The following ITGA11 variants were observed in gnomAD, a reference collection of about 807,000 sequenced individuals.
The protein encoded by ITGA11 is integrin subunit alpha 11.
ITGA11 carries 97 observed loss-of-function variants against 141.9 expected under a neutral mutation model. The ratio of observed to expected loss-of-function variants is 0.68; its 90% CI spans 0.58 to 0.81. The LOEUF (loss-of-function observed/expected upper bound fraction) is 0.81. Among genes scored for constraint, ITGA11 ranks in the 30% least tolerant of loss-of-function variants. The pLI is 0.00. For synonymous variants in ITGA11, 658 were observed against 624.6 expected, an observed-to-expected ratio of 1.05 and a Z score of -0.80; for missense variants, 1,387 against 1,559.2, an observed-to-expected ratio of 0.89 and a Z score of 1.86.
At chr15:68,364,950 C>T (rs1301289569) in intron 3 of ITGA11, among the ~76,000 whole-genome samples, 152 bp from the exon 4 acceptor site, 3 of 152,152 alleles carry the variant, frequency 2.0e-5, no homozygotes, top group African/African-American at 7.2e-5. Flanking sequence ...CTTCCCCAGA[C>T]GTACTCTCAG....
At chr15:68,342,527 A>G (rs575736095) in intron 10 of ITGA11, among the ~76,000 whole-genome samples, 3 of 152,126 alleles carry the variant, frequency 2.0e-5, no homozygotes, top group Non-Finnish European at 2.9e-5. Context: ...GACCCTGCCA[A>G]CTCAGCTCTC....
At position 68,307,541 on chromosome 15, in the gene ITGA11, C is replaced by T; in HGVS notation, c.3285+45G>A. On this transcript the variant is annotated intron_variant, in intron 27 of 29. Coordinates refer to ENST00000315757, the MANE Select transcript of ITGA11 (RefSeq NM_001004439.2). The surrounding 1 kb of genome is among the most constrained non-coding windows in gnomAD (Gnocchi z 6.1). ...GGTGGAAGACATCCCAACAGCCGCC[C>T]CCTTTCCCTTCTTCCTTCCAGCCCA... 1.3e-6 allele frequency: 2 copies of T among 1,539,524 alleles called. No homozygotes were observed. The highest frequency in any genetic ancestry group is 1.8e-6 in the Non-Finnish European group (2 of 1,124,200).
chr15:68,359,313 C>T (rs1164256028), intron 5 of ITGA11, among the ~76,000 whole-genome samples: 1 of 152,110 alleles, frequency 6.6e-6, no homozygotes, highest in Non-Finnish European at 1.5e-5. Context: ...ATTATCTCTG[C>T]CTCTGAATAT....
At chr15:68,329,562 C>A (rs937779058) in intron 15 of ITGA11, among the ~76,000 whole-genome samples, 1 of 152,158 alleles carries the variant, frequency 6.6e-6, no homozygotes, top group Admixed American at 6.5e-5. Flanking sequence ...TCTGTGAGAC[C>A]GATTCTCTTG....
chr15:68,326,825 A>G lies in ITGA11; in HGVS notation c.2069-29T>C, dbSNP rs1258020157. 2 of 1,562,088 alleles carry G rather than the reference A, an allele frequency of 1.3e-6. No individual in the cohort carries two copies. Among genetic ancestry groups the G allele is most frequent in the East Asian group, 2.4e-5 (1 of 42,094 alleles). On this transcript the variant is annotated intron_variant, in intron 16 of 29. Coordinates refer to ENST00000315757, the MANE Select transcript of ITGA11 (RefSeq NM_001004439.2). The surrounding 1 kb of genome is among the most constrained non-coding windows in gnomAD (Gnocchi z 6.8). ...CAGGAGGGGAGAGGGCAAGACCACA[A>G]AGGTGGAGCCACATGCCCATCCAAG... is the stretch of plus-strand genomic sequence containing the variant.
intron 28 of ITGA11, among the ~76,000 whole-genome samples, chr15:68,306,037 A>AG (rs1396060243): frequency 6.6e-6 from 1 of 151,566 alleles, no homozygotes; most frequent in African/African-American, 2.4e-5. Flanking sequence ...AAAAAAAAAA[A>AG]AAATTAGCCA....
At chr15:68,431,612 T>G (rs1305980994) in intron 1 of ITGA11, among the ~76,000 whole-genome samples, 1 of 152,156 alleles carries the variant, frequency 6.6e-6, no homozygotes, top group Non-Finnish European at 1.5e-5. Flanking sequence ...CACACTCTCT[T>G]GGCGCTGATT....
At position 68,332,191 on chromosome 15, in the gene ITGA11, T is replaced by G. The variant is rs1433176371; in HGVS notation, c.1567-129A>C. 5 of 1,253,096 alleles carry G rather than the reference T, an allele frequency of 4.0e-6. No individual in the cohort carries two copies. The East Asian group carries it at 7.6e-5, about 19-fold the overall frequency. The allele number at this position is 1,253,096 out of a possible 1,614,324, so 77.6% of individuals were successfully genotyped here. On this transcript the variant is annotated intron_variant, in intron 13 of 29. Transcript: ENST00000315757. ...CCCCAGAACCCCGTCTCTGGCTATA[T>G]GAACCCAGCCACAGAGGAGGCTCTG... is the stretch of plus-strand genomic sequence containing the variant.
At position 68,321,547 on chromosome 15, in the gene ITGA11, G is replaced by A. The variant is rs554507338; in HGVS notation, c.2323-44C>T. On this transcript the variant is annotated intron_variant, in intron 18 of 29. Coordinates refer to ENST00000315757, the MANE Select transcript of ITGA11 (RefSeq NM_001004439.2). The surrounding 1 kb of genome is among the most constrained non-coding windows in gnomAD (Gnocchi z 4.9). ...GGTGTGGGCAGCTGGGTAGGGACCCGCAGCCCCTCGCCCTCAATGTACACC... is the reference window on the plus strand; with the variant it reads ...GGTGTGGGCAGCTGGGTAGGGACCCACAGCCCCTCGCCCTCAATGTACACC... 1.6e-4 allele frequency: 216 copies of A among 1,325,488 alleles called. No homozygotes were observed. The highest frequency in any genetic ancestry group is 1.0e-3 in the East Asian group (41 of 40,232). The allele number at this position is 1,325,488 out of a possible 1,614,324, so 82.1% of individuals were successfully genotyped here.
intron 6 of ITGA11, among the ~76,000 whole-genome samples, chr15:68,357,977 T>G (rs1895122231): frequency 6.6e-6 from 1 of 152,230 alleles, no homozygotes; most frequent in South Asian, 2.1e-4. Context: ...ACTTGAAATC[T>G]GCCATCTAAT....
At chr15:68,420,373 G>A (rs1896987346) in intron 1 of ITGA11, among the ~76,000 whole-genome samples, 1 of 152,170 alleles carries the variant, frequency 6.6e-6, no homozygotes, top group South Asian at 2.1e-4. Context: ...GGGGCCAGCT[G>A]GGCTGACCTG....
chr15:68,395,932 T>C (rs1210435309), intron 2 of ITGA11, among the ~76,000 whole-genome samples: 1 of 151,502 alleles, frequency 6.6e-6, no homozygotes, highest in Non-Finnish European at 1.5e-5. Context: ...GAAACAACCC[T>C]AGATGCTGTA....
chr15:68,353,482 C>CA (rs943986494), intron 7 of ITGA11, among the ~76,000 whole-genome samples: 2 of 151,906 alleles, frequency 1.3e-5, no homozygotes, highest in African/African-American at 4.8e-5. Context: ...AAACACCCTG[C>CA]AAAAAAGCAT....
chr15:68,369,320 G>A (rs1211412486), intron 2 of ITGA11, 36 bp from the exon 3 acceptor site: 8 of 1,413,598 alleles, frequency 5.7e-6, no homozygotes, highest in South Asian at 2.3e-5. Flanking sequence ...AGACATTGGG[G>A]GAGGTACTCT....
chr15:68,371,218 G>A (rs1895579316), intron 2 of ITGA11, among the ~76,000 whole-genome samples: 1 of 152,154 alleles, frequency 6.6e-6, no homozygotes, highest in South Asian at 2.1e-4. Context: ...GAGAGAAAGT[G>A]AGAGAAAGAA....
intron 25 of ITGA11, 73 bp from the exon 26 acceptor site, chr15:68,311,153 A>G (rs1595851285): frequency 7.3e-7 from 1 of 1,378,828 alleles, no homozygotes. Context: ...AGGATCCCAG[A>G]GAGGTTTCTT....
Position 68,307,212 on chromosome 15 carries a change from C to A in ITGA11, c.3381+136G>T. 1.5e-6 allele frequency: 1 copy of A among 652,082 alleles called. No individual in the cohort carries two copies. The highest frequency in any genetic ancestry group is 1.9e-5 in the South Asian group (1 of 52,382). 40.4% of individuals were successfully genotyped at this position (652,082 alleles called of 1,614,324 possible). On this transcript the variant is annotated intron_variant, in intron 28 of 29. Transcript: ENST00000315757. This position sits in a 1 kb window ranked among gnomAD's most constrained non-coding sequence, Gnocchi z 6.1. Reference sequence around the variant, plus strand: ...CTCTTTTCAGCGGCTGCCCTAACAGCCCACAGGTCTGCCTGATTCTCTCCT... The same window carrying A: ...CTCTTTTCAGCGGCTGCCCTAACAGACCACAGGTCTGCCTGATTCTCTCCT...
At position 68,326,366 on chromosome 15, in the gene ITGA11, G is replaced by T. The variant is rs1038322428; in HGVS notation, c.2211+288C>A. 6.6e-6 allele frequency among the ~76,000 whole-genome samples: 1 copy of T among 152,140 alleles called. No individual in the cohort carries two copies. The highest frequency in any genetic ancestry group is 1.5e-5 in the Non-Finnish European group (1 of 68,026). ...TTTGGGGCTGTGCCCCCCACCAGCT[G>T]CTCCTAGTTCTCTCTGCTGGACCTA... On this transcript the variant is annotated intron_variant, in intron 17 of 29. Transcript: ENST00000315757. The surrounding 1 kb of genome is among the most constrained non-coding windows in gnomAD (Gnocchi z 6.8).
At chr15:68,334,701 G>A (rs767629502) in intron 12 of ITGA11, among the ~76,000 whole-genome samples, 5 of 152,180 alleles carry the variant, frequency 3.3e-5, no homozygotes, top group South Asian at 2.1e-4. Context: ...GTGGGTCACC[G>A]CGATTTGGAA....
Sources: gnomAD v4.1 joint callset for allele counts (sites outside exome capture counted in the v4.1 genomes callset) on GRCh38, gnomAD v4.1.1 for gene constraint, Gnocchi (gnomAD v3.1) non-coding constraint, MANE v1.5 for transcripts, NCBI Gene and HGNC (gene_info 2026-07-23, HGNC 2026-07-21) for gene names.